CSMD1: variants seen among roughly 807,000 people sequenced by gnomAD.
CSMD1 encodes CUB and Sushi multiple domains 1.
Under a neutral mutation model 417.5 loss-of-function variants are expected in CSMD1, and 213 were observed. The observed-to-expected ratio is 0.51, with a 90% CI of 0.46 to 0.57. The LOEUF (loss-of-function observed/expected upper bound fraction) is 0.57, where lower values mean the gene tolerates loss of function less well. CSMD1 is among the 20% of genes least tolerant of loss of function. The pLI is 0.00. For synonymous variants in CSMD1, 2,862 were observed against 1,736.8 expected (o/e 1.65, Z -16.11); for missense variants, 6,923 against 4,529.7 (o/e 1.53, Z -15.17).
chr8:3,535,839 T>C (rs1411605246), intron 10 of CSMD1, among the ~76,000 whole-genome samples: 2 of 152,166 alleles, frequency 1.3e-5, no homozygotes, highest in African/African-American at 2.4e-5. Flanking sequence ...AGTTTTTGTA[T>C]ATGAAGTGTG....
chr8:4,668,682 C>T (rs998036253), intron 1 of CSMD1, among the ~76,000 whole-genome samples: 2 of 151,886 alleles, frequency 1.3e-5, no homozygotes, highest in African/African-American at 2.4e-5. Context: ...GATTTCCTGA[C>T]CTAGTGATCT....
At chr8:3,794,784 C>G (rs1799948956) in intron 5 of CSMD1, among the ~76,000 whole-genome samples, 1 of 152,030 alleles carries the variant, frequency 6.6e-6, no homozygotes, top group Admixed American at 6.6e-5. Flanking sequence ...TAACACATCT[C>G]TAAAGTGACA....
At chr8:4,039,478 G>C (rs976946865) in intron 3 of CSMD1, among the ~76,000 whole-genome samples, 22 of 152,068 alleles carry the variant, frequency 1.4e-4, no homozygotes, top group African/African-American at 5.1e-4. Context: ...CTCTTTACTG[G>C]CTCTCTGAAT....
At chr8:4,671,660 G>A (rs1805337832) in intron 1 of CSMD1, among the ~76,000 whole-genome samples, 1 of 152,164 alleles carries the variant, frequency 6.6e-6, no homozygotes, top group South Asian at 2.1e-4. Context: ...AAATGGAACT[G>A]TTTTCATGAT....
chr8:4,835,545 G>A (rs1011025200), intron 1 of CSMD1, among the ~76,000 whole-genome samples: 1 of 152,160 alleles, frequency 6.6e-6, no homozygotes, highest in African/African-American at 2.4e-5. Flanking sequence ...CAACCTGAGG[G>A]TGGTTAAGTT....
chr8:3,731,081 T>A (rs966445178), intron 6 of CSMD1, among the ~76,000 whole-genome samples: 6 of 152,200 alleles, frequency 3.9e-5, no homozygotes, highest in African/African-American at 1.4e-4. Context: ...TTATACACTT[T>A]CTTCCCAATC....
intron 3 of CSMD1, among the ~76,000 whole-genome samples, chr8:4,132,371 T>C (rs989064174): frequency 5.9e-5 from 9 of 152,188 alleles, no homozygotes; most frequent in Non-Finnish European, 1.3e-4. Flanking sequence ...GAATACATCT[T>C]GACTTTGTGC....
intron 26 of CSMD1, among the ~76,000 whole-genome samples, chr8:3,263,638 A>C (rs950933293): frequency 1.3e-5 from 2 of 151,790 alleles, no homozygotes; most frequent in Non-Finnish European, 2.9e-5. Flanking sequence ...GATTGATAAC[A>C]TATAGTTACC....
chr8:3,064,114 G>C (rs1812764989), intron 49 of CSMD1, among the ~76,000 whole-genome samples: 3 of 152,196 alleles, frequency 2.0e-5, no homozygotes, highest in Non-Finnish European at 4.4e-5. Context: ...CACAGCTCAA[G>C]CTGCCTCTTA....
chr8:3,702,928 A>C (rs1032748953), intron 7 of CSMD1, among the ~76,000 whole-genome samples: 76 of 152,222 alleles, frequency 5.0e-4, no homozygotes, highest in African/African-American at 1.8e-3. Flanking sequence ...CAGGGTGAGA[A>C]AGAAAATGGG....
chr8:3,231,296 G>A (rs1186605430), intron 26 of CSMD1, among the ~76,000 whole-genome samples: 1 of 151,972 alleles, frequency 6.6e-6, no homozygotes, highest in African/African-American at 2.4e-5. Flanking sequence ...CACTGCATAA[G>A]AGATGACAAT....
At chr8:4,026,461 G>A (rs561313487) in intron 4 of CSMD1, among the ~76,000 whole-genome samples, 8 of 152,214 alleles carry the variant, frequency 5.3e-5, no homozygotes, top group African/African-American at 1.4e-4. Flanking sequence ...CTACAGATAC[G>A]ATTATGGAAA....
chr8:3,334,256 C>T (rs1807096679), intron 23 of CSMD1, among the ~76,000 whole-genome samples: 1 of 152,196 alleles, frequency 6.6e-6, no homozygotes, highest in South Asian at 2.1e-4. Flanking sequence ...TGGATTCTGA[C>T]ATACCCTGCT....
chr8:4,806,863 G>A (rs1010808698), intron 1 of CSMD1, among the ~76,000 whole-genome samples: 2 of 152,140 alleles, frequency 1.3e-5, no homozygotes, highest in African/African-American at 4.8e-5. Flanking sequence ...TAATAAAACT[G>A]CAGCCTGAAA....
At chr8:4,432,541 C>G (rs1016121106) in intron 2 of CSMD1, among the ~76,000 whole-genome samples, 9 of 152,142 alleles carry the variant, frequency 5.9e-5, no homozygotes, top group African/African-American at 1.2e-4. Context: ...TGTATTCTCA[C>G]AACATCCATA....
At chr8:3,381,629 G>A (rs1315106752) in intron 18 of CSMD1, among the ~76,000 whole-genome samples, 2 of 151,982 alleles carry the variant, frequency 1.3e-5, no homozygotes, top group South Asian at 2.1e-4. Context: ...ATTATAATTA[G>A]CCAGTAGTTA....
In CSMD1 at chr8:4,734,898, A is replaced by G. The variant is rs192983358; in HGVS notation, c.86-97340T>C. 8.5e-4 allele frequency among the ~76,000 whole-genome samples: 130 copies of G among 152,294 alleles called. No homozygotes were observed. In the Middle Eastern group the frequency reaches 0.034, roughly 40 times the overall value. On this transcript the variant is annotated intron_variant, in intron 1 of 69. Coordinates refer to ENST00000635120, the MANE Select transcript of CSMD1 (RefSeq NM_033225.6). Reference sequence around the variant, plus strand: ...TACCCCAGCCAGCAGCAGGCTGGCCACAGTATTTCCTTCTCCTAGGAGGTC... The same window carrying G: ...TACCCCAGCCAGCAGCAGGCTGGCCGCAGTATTTCCTTCTCCTAGGAGGTC...
At chr8:4,594,701 A>T (rs1191166647) in intron 2 of CSMD1, among the ~76,000 whole-genome samples, 4 of 151,976 alleles carry the variant, frequency 2.6e-5, no homozygotes, top group Non-Finnish European at 4.4e-5. Flanking sequence ...CAAAACTAAA[A>T]CCTTTCCATT....
chr8:3,467,416 A>C (rs1816846103), intron 12 of CSMD1, among the ~76,000 whole-genome samples: 2 of 152,242 alleles, frequency 1.3e-5, no homozygotes, highest in African/African-American at 2.4e-5. Flanking sequence ...TACTTTCCTG[A>C]ATAACTGCAC....
Sources: allele counts gnomAD v4.1 joint callset (sites outside exome capture counted in the v4.1 genomes callset), GRCh38; gene constraint gnomAD v4.1.1; transcripts MANE v1.5; gene names NCBI Gene and HGNC (gene_info 2026-07-23, HGNC 2026-07-21).